The following TBC1D5 variants were observed in gnomAD, a reference collection of about 807,000 sequenced individuals.
TBC1D5 encodes TBC1 domain family, member 5.
A neutral mutation model predicts 100.3 loss-of-function variants in TBC1D5; 75 were observed. The ratio of observed to expected loss-of-function variants is 0.75; its 90% CI spans 0.62 to 0.91. TBC1D5 has a LOEUF of 0.91. TBC1D5 is among the 40% of genes least tolerant of loss of function. The pLI is 0.00. For missense variants in TBC1D5, 910 were observed against 942.4 expected (o/e 0.97, Z 0.45); for synonymous variants, 323 against 325.6 (o/e 0.99, Z 0.09).
intron 2 of TBC1D5, chr3:17,575,307 T>C (rs1207131872): frequency 2.1e-5 from 3 of 146,270 alleles, no homozygotes. Context: ...AGAGTGAATA[T>C]TGCCTCAAAA....
intron 18 of TBC1D5, among the ~76,000 whole-genome samples, chr3:17,211,130 G>A (rs1390821541): frequency 6.6e-6 from 1 of 152,164 alleles, no homozygotes; most frequent in Non-Finnish European, 1.5e-5. Context: ...ATCTTTGGCT[G>A]TCTTGTTCAT....
chr3:17,632,975 A>G (rs1314886282), intron 1 of TBC1D5, among the ~76,000 whole-genome samples: 1 of 152,132 alleles, frequency 6.6e-6, no homozygotes, highest in Non-Finnish European at 1.5e-5. Flanking sequence ...CCCAACAATT[A>G]TAACTTTATT....
At chr3:17,629,466 A>G (rs1179035052) in intron 1 of TBC1D5, among the ~76,000 whole-genome samples, 1 of 152,218 alleles carries the variant, frequency 6.6e-6, no homozygotes, top group Non-Finnish European at 1.5e-5. Flanking sequence ...AATAAAGTCT[A>G]AAGGTAGAGG....
intron 1 of TBC1D5, among the ~76,000 whole-genome samples, chr3:17,724,794 T>C (rs1346067464): frequency 1.3e-5 from 2 of 152,228 alleles, no homozygotes; most frequent in Non-Finnish European, 1.5e-5. Flanking sequence ...TGTGTGTGTT[T>C]ATAAATATAT....
intron 1 of TBC1D5, among the ~76,000 whole-genome samples, chr3:17,671,874 C>G (rs1405634926): frequency 6.6e-6 from 1 of 152,228 alleles, no homozygotes; most frequent in East Asian, 1.9e-4. Context: ...AGAGCAGCAT[C>G]TGTTTATTAC....
rs80249698 is a variant in TBC1D5 at position 17,716,845 on chromosome 3, G to C, written c.-101+22498C>G. Among the ~76,000 whole-genome samples the C allele has an allele frequency of 8.8e-4, 134 of 152,040 alleles. No homozygotes were observed. In the East Asian group the frequency reaches 0.02, roughly 23 times the overall value. On this transcript the variant is annotated intron_variant, in intron 1 of 21. Coordinates refer to ENST00000253692, the Ensembl canonical transcript of TBC1D5. ...TTGTTTTTATTTTATACATAAACAA[G>C]GTTTATTAATCTGAGTGTTTGTTCT...
At chr3:17,206,835 T>A (rs1207236030) in intron 18 of TBC1D5, among the ~76,000 whole-genome samples, 1 of 152,222 alleles carries the variant, frequency 6.6e-6, no homozygotes, top group African/African-American at 2.4e-5. Context: ...TACCAAAATA[T>A]CACGCAGTTT....
At chr3:17,613,451 G>C (rs1188163258) in intron 2 of TBC1D5, among the ~76,000 whole-genome samples, 1 of 152,130 alleles carries the variant, frequency 6.6e-6, no homozygotes, top group Admixed American at 6.5e-5. Flanking sequence ...GATCCTTCAG[G>C]AATCGCCACA....
chr3:17,249,093 A>G (rs886932895), intron 16 of TBC1D5, among the ~76,000 whole-genome samples: 1 of 152,220 alleles, frequency 6.6e-6, no homozygotes, highest in African/African-American at 2.4e-5. Context: ...AGGTTTTGGC[A>G]TAAGGGAATG....
intron 2 of TBC1D5, among the ~76,000 whole-genome samples, chr3:17,549,082 G>C (rs2096447961): frequency 6.7e-6 from 1 of 149,442 alleles, no homozygotes; most frequent in Non-Finnish European, 1.5e-5. Flanking sequence ...TGGATCACCT[G>C]AGGTCAGGAG....
intron 1 of TBC1D5, among the ~76,000 whole-genome samples, chr3:17,679,997 C>G (rs2069223138): frequency 6.6e-6 from 1 of 151,394 alleles, no homozygotes; most frequent in Non-Finnish European, 1.5e-5. Context: ...TGGAGCAGCA[C>G]CAACCTTGTT....
At chr3:17,657,664 A>C (rs1353548006) in intron 1 of TBC1D5, among the ~76,000 whole-genome samples, 1 of 152,130 alleles carries the variant, frequency 6.6e-6, no homozygotes, top group Non-Finnish European at 1.5e-5. Context: ...CTGCATCAAT[A>C]TAGTCAATCA....
chr3:17,429,286 C>T (rs966528604), intron 3 of TBC1D5, among the ~76,000 whole-genome samples: 1 of 151,552 alleles, frequency 6.6e-6, no homozygotes, highest in Non-Finnish European at 1.5e-5. Flanking sequence ...TTACCAATGC[C>T]CCGTTGTTAT....
chr3:17,223,256 T>C (rs1302110968), intron 17 of TBC1D5, among the ~76,000 whole-genome samples: 1 of 152,200 alleles, frequency 6.6e-6, no homozygotes, highest in Non-Finnish European at 1.5e-5. Context: ...AGATTTTATA[T>C]ATATCGTAGC....
intron 1 of TBC1D5, among the ~76,000 whole-genome samples, chr3:17,654,819 T>G (rs1370968636): frequency 2.0e-5 from 3 of 152,186 alleles, no homozygotes; most frequent in Non-Finnish European, 4.4e-5. Context: ...AAGCTATTGA[T>G]TATTGCCACA....
At chr3:17,157,288 A>G (rs1386851578) in exon 22 of TBC1D5, 1 of 152,284 alleles carries the variant, frequency 6.6e-6, no homozygotes, top group Non-Finnish European at 1.5e-5. Flanking sequence ...GCGATAGGGC[A>G]TACATGGCGT....
intron 13 of TBC1D5, among the ~76,000 whole-genome samples, chr3:17,317,170 A>C (rs2084798290): frequency 6.6e-6 from 1 of 152,194 alleles, no homozygotes; most frequent in South Asian, 2.1e-4. Context: ...AGCAACATAT[A>C]ATTAGAAAGG....
At chr3:17,721,651 G>A (rs1400373008) in intron 1 of TBC1D5, among the ~76,000 whole-genome samples, 3 of 151,972 alleles carry the variant, frequency 2.0e-5, no homozygotes, top group Non-Finnish European at 2.9e-5. Context: ...TAGCCTGGGC[G>A]ACAGAGTGAG....
intron 1 of TBC1D5, among the ~76,000 whole-genome samples, chr3:17,676,683 C>T (rs147324072): frequency 0.5 from 75,792 of 151,916 alleles, 20,440 homozygotes; most frequent in East Asian, 0.93. Context: ...AAAAAGAGCC[C>T]GCATTGCCAA....
Sources: allele counts gnomAD v4.1 joint callset (sites outside exome capture counted in the v4.1 genomes callset), GRCh38; gene constraint gnomAD v4.1.1; transcripts MANE v1.5; gene names NCBI Gene and HGNC (gene_info 2026-07-23, HGNC 2026-07-21).